Variants in NRG3 observed in about 807,000 individuals in gnomAD.
NRG3 encodes pro-neuregulin-3, membrane-bound isoform.
Under a neutral mutation model 66.9 loss-of-function variants are expected in NRG3, and 31 were observed. That is an observed-to-expected ratio of 0.46 (90% CI 0.35 to 0.63). The LOEUF is 0.63. Among genes scored for constraint, NRG3 ranks in the 20% least tolerant of loss-of-function variants. The pLI is 0.00. For synonymous variants in NRG3, 393 were observed against 359.4 expected (o/e 1.09, Z -1.06); for missense variants, 910 against 878.9 (o/e 1.04, Z -0.45).
intron 2 of NRG3, among the ~76,000 whole-genome samples, chr10:82,689,471 A>G (rs952180822): frequency 2.6e-5 from 4 of 152,164 alleles, no homozygotes; most frequent in Admixed American, 6.5e-5. Flanking sequence ...ATTACCATTA[A>G]TGATGATGAT....
At chr10:82,156,029 A>G (rs1221021010) in intron 1 of NRG3, among the ~76,000 whole-genome samples, 1 of 151,630 alleles carries the variant, frequency 6.6e-6, no homozygotes, top group African/African-American at 2.4e-5. Flanking sequence ...GATATAGCTC[A>G]GTGTTGAGGC....
intron 1 of NRG3, among the ~76,000 whole-genome samples, chr10:82,051,473 G>A (rs1456631245): frequency 6.6e-6 from 1 of 152,134 alleles, no homozygotes; most frequent in Non-Finnish European, 1.5e-5. Context: ...ATGTGCCGAA[G>A]TTTGGATCCC....
intron 8 of NRG3, among the ~76,000 whole-genome samples, chr10:82,979,809 TG>T (rs1195203048): frequency 1.3e-5 from 2 of 152,196 alleles, no homozygotes; most frequent in Admixed American, 1.3e-4. Flanking sequence ...ATGCGATCCT[TG>T]CTTAAACTGA....
At chr10:82,263,213 G>C (rs2078122681) in intron 1 of NRG3, among the ~76,000 whole-genome samples, 1 of 152,010 alleles carries the variant, frequency 6.6e-6, no homozygotes, top group Admixed American at 6.6e-5. Context: ...AGAAAGATGT[G>C]GATGGCTGAG....
intron 2 of NRG3, among the ~76,000 whole-genome samples, chr10:82,604,488 G>A (rs1236630293): frequency 2.0e-5 from 3 of 152,234 alleles, no homozygotes; most frequent in Non-Finnish European, 1.5e-5. Flanking sequence ...AAATACAGCT[G>A]TTATACACAT....
intron 2 of NRG3, among the ~76,000 whole-genome samples, chr10:82,724,434 T>G (rs1390131467): frequency 6.6e-6 from 1 of 152,190 alleles, no homozygotes; most frequent in Non-Finnish European, 1.5e-5. Context: ...GCTGCCCACT[T>G]CCTTTAGCCG....
At chr10:82,169,185 C>T (rs1467907203) in intron 1 of NRG3, among the ~76,000 whole-genome samples, 1 of 152,094 alleles carries the variant, frequency 6.6e-6, no homozygotes, top group Non-Finnish European at 1.5e-5. Context: ...TCTTTATGCA[C>T]ACCTGTGTAG....
At chr10:82,037,195 A>G (rs754620793) in intron 1 of NRG3, among the ~76,000 whole-genome samples, 10 of 152,118 alleles carry the variant, frequency 6.6e-5, no homozygotes, top group Non-Finnish European at 1.2e-4. Flanking sequence ...ATGGAGTCAG[A>G]CTGCCTGGCA....
At chr10:82,679,004 C>T (rs994008497) in intron 2 of NRG3, among the ~76,000 whole-genome samples, 1 of 152,126 alleles carries the variant, frequency 6.6e-6, no homozygotes, top group African/African-American at 2.4e-5. Context: ...TGTTGTTAGA[C>T]CTGGATTTCA....
At chr10:82,790,864 C>T (rs1246345317) in intron 3 of NRG3, among the ~76,000 whole-genome samples, 2 of 151,618 alleles carry the variant, frequency 1.3e-5, no homozygotes, top group African/African-American at 4.8e-5. Context: ...TGTTTTTGAA[C>T]CCCTCTAGTG....
intron 1 of NRG3, among the ~76,000 whole-genome samples, chr10:82,134,294 G>T (rs374619351): frequency 1.3e-5 from 2 of 152,076 alleles, no homozygotes; most frequent in African/African-American, 4.8e-5. Context: ...TTTTGCTTTC[G>T]TAGCGATTTC....
chr10:82,803,762 C>T (rs941802026), intron 3 of NRG3, among the ~76,000 whole-genome samples: 9 of 152,082 alleles, frequency 5.9e-5, no homozygotes, highest in South Asian at 4.1e-4. Flanking sequence ...CAATACTTCT[C>T]ACAGGATCGT....
chr10:82,546,354 C>T (rs745327029), intron 2 of NRG3, among the ~76,000 whole-genome samples: 1 of 151,756 alleles, frequency 6.6e-6, no homozygotes, highest in Non-Finnish European at 1.5e-5. Context: ...TAATAAATAC[C>T]GAGATAGTTT....
chr10:82,891,516 A>G (rs557151380), intron 4 of NRG3, among the ~76,000 whole-genome samples: 4 of 151,900 alleles, frequency 2.6e-5, no homozygotes, highest in Middle Eastern at 3.4e-3. Context: ...TGTTAGATTT[A>G]CCCTTTGACA....
chr10:82,451,956 A>G (rs2091035443), intron 2 of NRG3, among the ~76,000 whole-genome samples: 1 of 152,212 alleles, frequency 6.6e-6, no homozygotes, highest in Non-Finnish European at 1.5e-5. Flanking sequence ...TTCAAAATAA[A>G]AAAATGTTAT....
intron 1 of NRG3, among the ~76,000 whole-genome samples, chr10:82,181,181 T>C (rs2073392624): frequency 6.7e-6 from 1 of 150,042 alleles, no homozygotes. Context: ...TTATCAAGTT[T>C]ATCTATCTTT....
At chr10:82,945,914 A>G (rs1848977370) in intron 4 of NRG3, among the ~76,000 whole-genome samples, 1 of 152,154 alleles carries the variant, frequency 6.6e-6, no homozygotes, top group Admixed American at 6.5e-5. Flanking sequence ...GGATGTGTTT[A>G]AGCCTAGGAG....
At chr10:82,799,526 C>CCA (rs750745590) in intron 3 of NRG3, among the ~76,000 whole-genome samples, 1 of 109,668 alleles carries the variant, frequency 9.1e-6, no homozygotes, top group Non-Finnish European at 1.9e-5. Flanking sequence ...AATTCCGTCT[C>CCA]AAAAAAAAAA....
chr10:82,693,563 C>T (rs573018453), intron 2 of NRG3, among the ~76,000 whole-genome samples: 1 of 152,248 alleles, frequency 6.6e-6, no homozygotes, highest in African/African-American at 2.4e-5. Context: ...TCCTACAAAA[C>T]AAAGATAATA....
Sources: allele counts gnomAD v4.1 joint callset (sites outside exome capture counted in the v4.1 genomes callset), GRCh38; gene constraint gnomAD v4.1.1; transcripts MANE v1.5; gene names NCBI Gene and HGNC (gene_info 2026-07-23, HGNC 2026-07-21).